CLDN18: variants seen among roughly 807,000 people sequenced by gnomAD.
The protein encoded by CLDN18 is claudin-18.
A neutral mutation model predicts 25.0 loss-of-function variants in CLDN18; 20 were observed. That is an observed-to-expected ratio of 0.80 (90% CI 0.56 to 1.16). The LOEUF (loss-of-function observed/expected upper bound fraction) is 1.16, where lower values mean the gene tolerates loss of function less well. CLDN18 is among the 50% of genes most tolerant of loss of function. CLDN18 has a pLI of 0.00. For missense variants in CLDN18, 297 were observed against 345.4 expected (o/e 0.86, Z 1.11); for synonymous variants, 125 against 135.6 (o/e 0.92, Z 0.54).
At chr3:138,019,895 T>C (rs1942252255) in intron 1 of CLDN18, among the ~76,000 whole-genome samples, 1 of 152,236 alleles carries the variant, frequency 6.6e-6, no homozygotes, top group Admixed American at 6.5e-5. Context: ...TCAGGTCTGA[T>C]AACACTTCAT....
chr3:138,013,911 A>G (rs114575209), intron 1 of CLDN18, among the ~76,000 whole-genome samples: 40 of 151,888 alleles, frequency 2.6e-4, no homozygotes, highest in African/African-American at 9.4e-4. Flanking sequence ...GAATCAGGAA[A>G]GAGGAGGGGT....
intron 1 of CLDN18, among the ~76,000 whole-genome samples, chr3:138,015,624 G>T (rs1181107748): frequency 6.6e-6 from 1 of 152,114 alleles, no homozygotes; most frequent in East Asian, 1.9e-4. Flanking sequence ...TCCTAGAAAT[G>T]CAGGAGGCTG....
rs377074436 is a variant in CLDN18, at chr3:138,023,716, C to T, written c.279C>T (p.Gly93=). 5.0e-5 allele frequency: 81 copies of T among 1,614,116 alleles called. No homozygotes were observed. The African/African-American group carries it at 9.7e-4, about 19-fold the overall frequency. The part of the protein sequence containing the change: ...MIVGIVLGAI[G]LLVSIFALKC... ...TAGGCATCGTCCTGGGTGCCATTGG[C>T]CTCCTGGTATCCATCTTTGCCCTGA... The change falls in exon 2 of 5, where the codon GGC becomes GGT. Residue 93 remains glycine (G), a synonymous_variant. Transcript: ENST00000183605.
In CLDN18 at chr3:138,033,644, C is replaced by G. The variant is rs1942422643; in HGVS notation, c.*2503C>G. On this transcript the variant is annotated 3_prime_UTR_variant, in exon 5 of 5. Transcript: ENST00000183605. Reference sequence around the variant, plus strand: ...ACTTAAATATTAAAAACACTGTTATCCTACAGTTGAATAGCTTCTGCTCTT... The same window carrying G: ...ACTTAAATATTAAAAACACTGTTATGCTACAGTTGAATAGCTTCTGCTCTT... 1 of 152,124 alleles carries G rather than the reference C, an allele frequency of 6.6e-6. No homozygotes were observed. Among genetic ancestry groups the G allele is most frequent in the African/African-American group, 2.4e-5 (1 of 41,428 alleles). The allele number at this position is 152,124 out of a possible 1,614,324, so 9.4% of individuals were successfully genotyped here.
intron 1 of CLDN18, among the ~76,000 whole-genome samples, chr3:138,011,843 G>A (rs1942139682): frequency 6.6e-6 from 1 of 151,908 alleles, no homozygotes; most frequent in African/African-American, 2.4e-5. Flanking sequence ...CTCCTAAATG[G>A]GCAAACCCCA....
rs1373838513 is a variant in CLDN18 at position 138,033,458 on chromosome 3, A to C, written c.*2317A>C. ...ACCAGAAAGTCCCTGGTCAGGTCTC[A>C]GGTAGTGCGGTGTGGCTCAGCTGGG... is the stretch of plus-strand genomic sequence containing the variant. On this transcript the variant is annotated 3_prime_UTR_variant, in exon 5 of 5. Coordinates refer to ENST00000183605, the MANE Select transcript of CLDN18 (RefSeq NM_016369.4). The C allele has an allele frequency of 6.6e-6, 1 of 152,230 alleles. No homozygotes were observed. Among genetic ancestry groups the C allele is most frequent in the Non-Finnish European group, 1.5e-5 (1 of 68,050 alleles). 9.4% of individuals were successfully genotyped at this position (152,230 alleles called of 1,614,324 possible).
intron 1 of CLDN18, among the ~76,000 whole-genome samples, chr3:138,017,051 G>A (rs1486377931): frequency 8.0e-6 from 1 of 124,688 alleles, no homozygotes; most frequent in Non-Finnish European, 1.9e-5. Context: ...GTGAGACTCT[G>A]TCTCAAAAAA....
chr3:138,008,783 G>A (rs531942613), upstream of CLDN18, among the ~76,000 whole-genome samples: 8 of 152,036 alleles, frequency 5.3e-5, no homozygotes, highest in South Asian at 2.1e-4. Flanking sequence ...AAAATTAGCC[G>A]GGTGTGGTGG....
chr3:138,010,140 C>T (rs149036233), upstream of CLDN18: 18 of 1,512,980 alleles, frequency 1.2e-5, no homozygotes, highest in African/African-American at 2.2e-4. Context: ...ATTAGAAGAG[C>T]TCCCCTCAGG....
In CLDN18 at chr3:138,031,402, T is replaced by G; in HGVS notation, c.*261T>G. On this transcript the variant is annotated 3_prime_UTR_variant, in exon 5 of 5. Coordinates refer to ENST00000183605, the MANE Select transcript of CLDN18 (RefSeq NM_016369.4). ...CTCTATTTCTTTTTTTAAATATAAC[T>G]TTCTACTCTGATGAGAGAATGTGGT... 3.4e-6 allele frequency: 1 copy of G among 296,462 alleles called. No individual in the cohort carries two copies. Among genetic ancestry groups the G allele is most frequent in the Non-Finnish European group, 6.1e-6 (1 of 162,648 alleles). 18.4% of individuals were successfully genotyped at this position (296,462 alleles called of 1,614,324 possible).
chr3:138,015,646 T>A (rs1018917729), intron 1 of CLDN18, among the ~76,000 whole-genome samples: 1 of 152,032 alleles, frequency 6.6e-6, no homozygotes, highest in African/African-American at 2.4e-5. Flanking sequence ...GACAGAAGGA[T>A]CATCACTTGA....
chr3:138,024,145 G>A (rs932475954), intron 2 of CLDN18, among the ~76,000 whole-genome samples: 1 of 150,650 alleles, frequency 6.6e-6, no homozygotes, highest in Non-Finnish European at 1.5e-5. Context: ...ACCCTATGTC[G>A]ATTAAAAGAA....
chr3:138,014,887 G>A (rs769709441), intron 1 of CLDN18, among the ~76,000 whole-genome samples: 1 of 152,074 alleles, frequency 6.6e-6, no homozygotes, highest in African/African-American at 2.4e-5. Flanking sequence ...CATCACTTTG[G>A]GAGGCTGAGG....
upstream of CLDN18, among the ~76,000 whole-genome samples, chr3:138,007,848 T>C (rs1173515220): frequency 2.6e-5 from 4 of 152,182 alleles, no homozygotes; most frequent in South Asian, 2.1e-4. Flanking sequence ...GAAACCAGTG[T>C]CACTTCTAAC....
At chr3:138,006,825 G>C (rs536567430), upstream of CLDN18, among the ~76,000 whole-genome samples, 1 of 152,240 alleles carries the variant, frequency 6.6e-6, no homozygotes, top group South Asian at 2.1e-4. Context: ...GGTAGAGATA[G>C]TCTTAGTTTA....
Position 138,010,402 on chromosome 3 carries a change from C to T in CLDN18, c.177C>T (p.Gly59=). 6.2e-7 allele frequency: 1 copy of T among 1,614,202 alleles called. No individual in the cohort carries two copies. The highest frequency in any genetic ancestry group is 8.5e-7 in the Non-Finnish European group (1 of 1,180,030). The change falls in exon 1 of 5, where the codon GGC becomes GGT. Residue 59 remains glycine, a synonymous_variant. Transcript: ENST00000183605. The part of the protein sequence containing the change: ...LWRSCVRQSS[G]FTECRPYFTI... ...GGAGCTGCGTGAGGCAGAGTTCAGGCTTCACCGAATGCAGGCCCTATTTCA... is the reference window on the plus strand; with the variant it reads ...GGAGCTGCGTGAGGCAGAGTTCAGGTTTCACCGAATGCAGGCCCTATTTCA...
Position 138,031,195 on chromosome 3 carries a change from A to G in CLDN18, c.*54A>G, listed in dbSNP as rs1942391671. The G allele has an allele frequency of 7.0e-7, 1 of 1,438,490 alleles. No homozygotes were observed. 89.1% of individuals were successfully genotyped at this position (1,438,490 alleles called of 1,614,324 possible). On this transcript the variant is annotated 3_prime_UTR_variant, in exon 5 of 5. Coordinates refer to ENST00000183605, the MANE Select transcript of CLDN18 (RefSeq NM_016369.4). ...AGAAACTCCCGGAGAGCTCACCCAAAAAACAAGGAGATCCCATCTAGATTT... is the reference window on the plus strand; with the variant it reads ...AGAAACTCCCGGAGAGCTCACCCAAGAAACAAGGAGATCCCATCTAGATTT...
At chr3:138,028,065 CTTT>C (rs527721365) in intron 3 of CLDN18, among the ~76,000 whole-genome samples, 2 of 145,568 alleles carry the variant, frequency 1.4e-5, no homozygotes, top group Admixed American at 6.8e-5. Context: ...TGTGTGCTTT[CTTT>C]TTTTTTTTTT....
intron 3 of CLDN18, among the ~76,000 whole-genome samples, chr3:138,026,505 C>A (rs889082595): frequency 6.6e-6 from 1 of 151,972 alleles, no homozygotes; most frequent in African/African-American, 2.4e-5. Context: ...ATTAGCTGGG[C>A]GTGGTGGCAG....
Sources: allele counts gnomAD v4.1 joint callset (sites outside exome capture counted in the v4.1 genomes callset), GRCh38; gene constraint gnomAD v4.1.1; transcripts MANE v1.5; gene names NCBI Gene and HGNC (gene_info 2026-07-23, HGNC 2026-07-21).